Variants in MMP2 observed in about 807,000 individuals in gnomAD.
MMP2 encodes the protein 72 kDa type IV collagenase.
MMP2 carries 39 observed loss-of-function variants against 74.8 expected under a neutral mutation model. That is an observed-to-expected ratio of 0.52 (90% CI 0.40 to 0.68). MMP2 has a LOEUF of 0.68. MMP2 is among the 30% of genes least tolerant of loss of function. MMP2 has a pLI of 0.00. For synonymous variants in MMP2, 367 were observed against 339.8 expected (o/e 1.08, Z -0.88); for missense variants, 803 against 878.3 (o/e 0.91, Z 1.08).
chr16:55,486,258 G>C (rs17859893), intron 5 of MMP2, among the ~76,000 whole-genome samples: 2 of 151,868 alleles, frequency 1.3e-5, no homozygotes, highest in African/African-American at 4.8e-5. Flanking sequence ...CCTGGTTTGC[G>C]TACTCCAACT....
Position 55,479,324 on chromosome 16 carries a change from A to T in MMP2, c.-156A>T, listed in dbSNP as rs1240606144. On this transcript the variant is annotated 5_prime_UTR_variant, in exon 1 of 13. It removes an upstream start codon present in the reference 5' UTR. Transcript: ENST00000219070. ...GGGGCTGGGGCGCGGGGGCCGGACC[A>T]TGAGCCGCTGAGCCGGGCAAACCCC... 7 of 877,808 alleles carry T rather than the reference A, an allele frequency of 8.0e-6. No homozygotes were observed. The highest frequency in any genetic ancestry group is 1.1e-5 in the Non-Finnish European group (7 of 664,484). The allele number at this position is 877,808 out of a possible 1,614,324, so 54.4% of individuals were successfully genotyped here. A position where few individuals can be genotyped will look rare whatever the true frequency, so the allele number is the denominator to read the frequency against.
At chr16:55,492,706 C>A (rs1389490134) in intron 8 of MMP2, among the ~76,000 whole-genome samples, 1 of 152,010 alleles carries the variant, frequency 6.6e-6, no homozygotes, top group African/African-American at 2.4e-5. Context: ...AGTCTTTATA[C>A]CTCTTTGGAC....
chr16:55,496,444 T>G (rs1962530508), intron 9 of MMP2, among the ~76,000 whole-genome samples: 1 of 145,950 alleles, frequency 6.9e-6, no homozygotes, highest in African/African-American at 2.5e-5. Flanking sequence ...GGCACATAAA[T>G]AAAGCACATG....
intron 5 of MMP2, chr16:55,487,830 T>G (rs566305117): frequency 6.5e-6 from 1 of 152,832 alleles, no homozygotes; most frequent in East Asian, 1.9e-4. Context: ...GAGTGTTTAG[T>G]AAAAGGGACC....
At chr16:55,500,676 C>G (rs1016680005) in intron 11 of MMP2, among the ~76,000 whole-genome samples, 16 of 152,234 alleles carry the variant, frequency 1.1e-4, no homozygotes, top group Admixed American at 5.9e-4. Flanking sequence ...CACCCTGAGA[C>G]TTCCTGAAAA....
rs1466767564 is a variant in MMP2, at chr16:55,505,518, CG to C, written c.*78del. 28 of 1,294,220 alleles carry C rather than the reference CG, an allele frequency of 2.2e-5. No homozygotes were observed. Among genetic ancestry groups the C allele is most frequent in the Non-Finnish European group, 3.1e-5 (28 of 890,662 alleles). The allele number at this position is 1,294,220 out of a possible 1,614,324, so 80.2% of individuals were successfully genotyped here. A position where few individuals can be genotyped will look rare whatever the true frequency, so the allele number is the denominator to read the frequency against. ...GGGCCTGGAGAACTAGAGAAGGACC[CG>C]GAGGGGCCTGGCAGCCGTGCCTTCA... is the stretch of plus-strand genomic sequence containing the variant. On this transcript the variant is annotated 3_prime_UTR_variant, in exon 13 of 13. Transcript: ENST00000219070.
rs748726920 is a variant in MMP2 at position 55,498,363 on chromosome 16, C to G, written c.1684C>G (p.Pro562Ala). The G allele has an allele frequency of 2.5e-6, 4 of 1,614,196 alleles. No homozygotes were observed. The Admixed American group carries it at 6.7e-5, about 27-fold the overall frequency. ...CAAGCCACTGACCAGCCTGGGACTG[C>G]CCCCTGATGTCCAGCGAGTGGATGC... ...YPKPLTSLGL[P>A]PDVQRVDAAF... The change falls in exon 11 of 13, where the codon CCC (proline) becomes GCC (alanine). Residue 562 changes from proline to alanine, a missense_variant. Coordinates refer to ENST00000219070, the MANE Select transcript of MMP2 (RefSeq NM_004530.6).
chr16:55,500,260 G>A (rs1170966155), intron 11 of MMP2, among the ~76,000 whole-genome samples: 1 of 150,258 alleles, frequency 6.7e-6, no homozygotes, highest in Non-Finnish European at 1.5e-5. Flanking sequence ...CGCGTACTGC[G>A]AATGGCATCT....
Position 55,479,307 on chromosome 16 carries a change from G to C in MMP2, c.-173G>C. The C allele has an allele frequency of 1.5e-6, 1 of 681,082 alleles. No homozygotes were observed. The highest frequency in any genetic ancestry group is 4.0e-5 in the East Asian group (1 of 25,224). 42.2% of individuals were successfully genotyped at this position (681,082 alleles called of 1,614,324 possible). A position where few individuals can be genotyped will look rare whatever the true frequency, so the allele number is the denominator to read the frequency against. ...CGGCGGCGGCGGCGGCGGGGGCTGGGGCGCGGGGGCCGGACCATGAGCCGC... is the reference window on the plus strand; with the variant it reads ...CGGCGGCGGCGGCGGCGGGGGCTGGCGCGCGGGGGCCGGACCATGAGCCGC... On this transcript the variant is annotated 5_prime_UTR_variant, in exon 1 of 13. Coordinates refer to ENST00000219070, the MANE Select transcript of MMP2 (RefSeq NM_004530.6).
Position 55,491,915 on chromosome 16 carries a change from G to T in MMP2, c.1295G>T (p.Arg432Leu), listed in dbSNP as rs780391868. The change falls in exon 8 of 13, where the codon CGT becomes CTT. Residue 432 changes from arginine (R) to leucine (L), a missense_variant. Coordinates refer to ENST00000219070, the MANE Select transcript of MMP2 (RefSeq NM_004530.6). The part of the protein sequence containing the change: ...APIYTYTKNF[R>L]LSQDDIKGIQ... ...ATTTACACCTACACCAAGAACTTCC[G>T]TCTGTCCCAGGATGACATCAAGGGC... 2.5e-6 allele frequency: 4 copies of T among 1,613,108 alleles called. No homozygotes were observed. Among genetic ancestry groups the T allele is most frequent in the Admixed American group, 1.7e-5 (1 of 59,922 alleles).
rs759812293 is a variant in MMP2, at chr16:55,483,047, C to T, written c.292C>T (p.Arg98Trp). The change falls in exon 2 of 13, where the codon CGG becomes TGG. Residue 98 changes from arginine (R) to tryptophan (W), a missense_variant. Physicochemically the swap from Arg to Trp is moderately radical, Grantham distance 101. Transcript: ENST00000219070. ...TGACCAGAATACCATCGAGACCATG[C>T]GGAAGCCACGCTGCGGCAACCCAGA... Reference protein sequence around the residue: ...DLDQNTIETMRKPRCGNPDVA... With the variant: ...DLDQNTIETMWKPRCGNPDVA... 7 of 1,614,160 alleles carry T rather than the reference C, an allele frequency of 4.3e-6. No homozygotes were observed. The highest frequency in any genetic ancestry group is 4.5e-5 in the East Asian group (2 of 44,880).
intron 11 of MMP2, among the ~76,000 whole-genome samples, chr16:55,500,977 G>A (rs1384593958): frequency 2.0e-5 from 3 of 152,230 alleles, no homozygotes; most frequent in African/African-American, 7.2e-5. Context: ...CTAGCTGCTG[G>A]AGAGACGGGG....
Position 55,482,892 on chromosome 16 carries a change from G to C in MMP2, c.154-17G>C, listed in dbSNP as rs1329898582. 6.2e-7 allele frequency: 1 copy of C among 1,607,942 alleles called. No individual in the cohort carries two copies. Among genetic ancestry groups the C allele is most frequent in the South Asian group, 1.1e-5 (1 of 90,952 alleles). On this transcript the variant is annotated splice_polypyrimidine_tract_variant and intron_variant, in intron 1 of 12. Transcript: ENST00000219070. ...CCTAATGTGGCTAATTGCCTTGGGG[G>C]TGTGCATTTCTTTCAGCAATACCTG... is the stretch of plus-strand genomic sequence containing the variant.
chr16:55,501,187 C>G (rs1266717590), intron 11 of MMP2, among the ~76,000 whole-genome samples: 1 of 152,202 alleles, frequency 6.6e-6, no homozygotes, highest in Admixed American at 6.5e-5. Context: ...GAAACTGAGG[C>G]TAAAGTGGCT....
Position 55,488,414 on chromosome 16 carries a change from A to G in MMP2, c.833-129A>G, listed in dbSNP as rs1463078017. 10 of 924,236 alleles carry G rather than the reference A, an allele frequency of 1.1e-5. No homozygotes were observed. In the Admixed American group the frequency reaches 2.0e-4, roughly 19 times the overall value. The allele number at this position is 924,236 out of a possible 1,614,324, so 57.3% of individuals were successfully genotyped here. On this transcript the variant is annotated intron_variant, in intron 5 of 12. Transcript: ENST00000219070. ...GAAGCAGCTCCTTACCAACCAGTAG[A>G]GATGTTTTCTTAATATTTTAACAAT...
chr16:55,505,572 C>A lies in MMP2; in HGVS notation c.*130C>A, dbSNP rs1555493789. On this transcript the variant is annotated 3_prime_UTR_variant, in exon 13 of 13. Transcript: ENST00000219070. ...TCTACAGCTAATCAGCATTCTCACT[C>A]CTACCTGGTAATTTAAGATTCCAGA... The A allele has an allele frequency of 1.3e-6, 1 of 761,322 alleles. No individual in the cohort carries two copies. The highest frequency in any genetic ancestry group is 2.3e-6 in the Non-Finnish European group (1 of 430,060). 47.2% of individuals were successfully genotyped at this position (761,322 alleles called of 1,614,324 possible). A position where few individuals can be genotyped will look rare whatever the true frequency, so the allele number is the denominator to read the frequency against.
At chr16:55,502,994 G>C (rs1455835630) in intron 12 of MMP2, 106 bp downstream of exon 12, 1 of 901,424 alleles carries the variant, frequency 1.1e-6, no homozygotes, top group Non-Finnish European at 1.8e-6. Context: ...AGGCAGGCAG[G>C]CGGCGCCCAG....
chr16:55,502,710 C>T lies in MMP2; in HGVS notation c.1770-69C>T, dbSNP rs243835. Reference sequence around the variant, plus strand: ...TCCAGGAGCCATCAGCTGGGTGCTCCCATCCAGGCCAGGGGGGAAGTGTCC... The same window carrying T: ...TCCAGGAGCCATCAGCTGGGTGCTCTCATCCAGGCCAGGGGGGAAGTGTCC... On this transcript the variant is annotated intron_variant, in intron 11 of 12. Transcript: ENST00000219070. The T allele has an allele frequency of 0.49, 693,944 of 1,412,448 alleles. 170,643 individuals carry two copies. Among genetic ancestry groups the T allele is most frequent in the East Asian group, 0.63 (27,641 of 43,710 alleles). 87.5% of individuals were successfully genotyped at this position (1,412,448 alleles called of 1,614,324 possible).
At chr16:55,479,738 G>T in intron 1 of MMP2, 106 bp downstream of exon 1, 1 of 1,470,432 alleles carries the variant, frequency 6.8e-7, no homozygotes, top group South Asian at 1.2e-5. Flanking sequence ...ACAGCGTGGG[G>T]GAGGGGCTTC....
Sources: allele counts gnomAD v4.1 joint callset (sites outside exome capture counted in the v4.1 genomes callset), GRCh38; gene constraint gnomAD v4.1.1; transcripts MANE v1.5; gene names NCBI Gene and HGNC (gene_info 2026-07-23, HGNC 2026-07-21).